SGK1: variants seen among roughly 807,000 people sequenced by gnomAD.
SGK1 encodes serum/glucocorticoid regulated kinase 1.
SGK1 carries 26 observed loss-of-function variants against 64.2 expected under a neutral mutation model. That is an observed-to-expected ratio of 0.40 (90% CI 0.30 to 0.56). SGK1 has a LOEUF of 0.56. SGK1 is among the 20% of genes least tolerant of loss of function. The pLI, the probability that SGK1 is intolerant of heterozygous loss-of-function variation, is 0.38. For missense variants in SGK1, 519 were observed against 645.6 expected (o/e 0.80, Z 2.12); for synonymous variants, 265 against 239.7 (o/e 1.11, Z -0.98).
intron 2 of SGK1, among the ~76,000 whole-genome samples, chr6:134,231,026 T>G (rs1437043186): frequency 2.6e-5 from 4 of 151,830 alleles, no homozygotes; most frequent in African/African-American, 9.7e-5. Flanking sequence ...AAAAATGAAA[T>G]GAAATGAAAT....
chr6:134,252,307 G>A (rs1222568478), intron 2 of SGK1, among the ~76,000 whole-genome samples: 2 of 152,186 alleles, frequency 1.3e-5, no homozygotes, highest in African/African-American at 4.8e-5. Flanking sequence ...TCCTGGAGGA[G>A]AAGGATTTAG....
Position 134,173,097 on chromosome 6 carries a change from G to C in SGK1, c.760C>G (p.Leu254Val). ...VLLKNVKHPF[L>V]VGLHFSFQTA... is the part of the protein sequence containing the mutation. ...TGGAAAGAGAAGTGAAGGCCCACCA[G>C]GAAAGGGTGCTTCACATTCTTCAAC... is the stretch of plus-strand genomic sequence containing the variant. The change falls in exon 8 of 14, where the codon CTG (leucine) becomes GTG (valine). Residue 254 changes from leucine to valine, a missense_variant. Coordinates refer to ENST00000367858, the MANE Select transcript of SGK1 (RefSeq NM_001143676.3). 6.2e-7 allele frequency: 1 copy of C among 1,613,954 alleles called. No homozygotes were observed. Among genetic ancestry groups the C allele is most frequent in the Non-Finnish European group, 8.5e-7 (1 of 1,179,824 alleles).
chr6:134,267,444 C>T (rs1279560516), intron 1 of SGK1, among the ~76,000 whole-genome samples: 1 of 151,800 alleles, frequency 6.6e-6, no homozygotes, highest in African/African-American at 2.4e-5. Context: ...ACTACAGATG[C>T]GCGCCACCAC....
chr6:134,316,086 T>C (rs986645690), intron 1 of SGK1, among the ~76,000 whole-genome samples: 1 of 152,202 alleles, frequency 6.6e-6, no homozygotes, highest in Non-Finnish European at 1.5e-5. Context: ...GGTTTCATTT[T>C]GGTTTGAATG....
chr6:134,169,629 G>A lies in SGK1; in HGVS notation c.*639C>T, dbSNP rs1272690483. The A allele has an allele frequency of 2.0e-5, 3 of 152,596 alleles. No individual in the cohort carries two copies. The highest frequency in any genetic ancestry group is 4.4e-5 in the Non-Finnish European group (3 of 68,038). The allele number at this position is 152,596 out of a possible 1,614,324, so 9.5% of individuals were successfully genotyped here. A position where few individuals can be genotyped will look rare whatever the true frequency, so the allele number is the denominator to read the frequency against. ...GCAGCAATGCTTTCTTTAAGCATCT[G>A]AATACGAGTCATTGCAAGACCATTT... On this transcript the variant is annotated 3_prime_UTR_variant, in exon 14 of 14. Transcript: ENST00000367858.
In SGK1 at chr6:134,170,442, C is replaced by T. The variant is rs757974350; in HGVS notation, c.1414-7G>A. 2.1e-5 allele frequency: 33 copies of T among 1,605,336 alleles called. No homozygotes were observed. The East Asian group carries it at 2.5e-4, about 12-fold the overall frequency. ...GTAGGTCGTTGGGCCCACTCTGTGACGGGAAGGGAAAAACACTCTTGTCAA... is the reference window on the plus strand; with the variant it reads ...GTAGGTCGTTGGGCCCACTCTGTGATGGGAAGGGAAAAACACTCTTGTCAA... On this transcript the variant is annotated splice_region_variant and splice_polypyrimidine_tract_variant and intron_variant, in intron 13 of 13. Transcript: ENST00000367858.
chr6:134,190,395 C>T (rs909367620), intron 3 of SGK1, among the ~76,000 whole-genome samples: 1 of 151,664 alleles, frequency 6.6e-6, no homozygotes, highest in African/African-American at 2.4e-5. Context: ...AAGTGATTCT[C>T]CTGCCTCAGC....
rs751754575 is a variant in SGK1, at chr6:134,207,379, G to T, written c.338C>A (p.Thr113Asn). The T allele has an allele frequency of 4.9e-5, 79 of 1,610,292 alleles. No individual in the cohort carries two copies. Among genetic ancestry groups the T allele is most frequent in the Non-Finnish European group, 6.2e-5 (73 of 1,176,768 alleles). Residue 113 changes from threonine (T) to asparagine (N), a missense_variant, in exon 3 of 14, where the codon ACC (threonine) becomes AAC (asparagine). By Grantham distance (65) the Thr-to-Asn change is moderately conservative (BLOSUM62 0). Coordinates refer to ENST00000367858, the MANE Select transcript of SGK1 (RefSeq NM_001143676.3). ...ACCTGGATCATCATTAGTCCAGAAG[G>T]TTCTTGGATCGGGCTTGGTCAGGAT... is the stretch of plus-strand genomic sequence containing the variant. Reference protein sequence around the residue: ...ANILTKPDPRTFWTNDDPAFM... With the variant: ...ANILTKPDPRNFWTNDDPAFM...
intron 3 of SGK1, among the ~76,000 whole-genome samples, chr6:134,191,846 T>TTTTTTTTGTTTG (rs1162225794): frequency 7.7e-6 from 1 of 130,406 alleles, no homozygotes; most frequent in Non-Finnish European, 1.7e-5. Context: ...TTTTTTTTTT[T>TTTTTTTTGTTTG]TTTTTTTGAG....
intron 2 of SGK1, among the ~76,000 whole-genome samples, chr6:134,224,888 G>A (rs1257942392): frequency 6.6e-6 from 1 of 151,424 alleles, no homozygotes; most frequent in African/African-American, 2.4e-5. Context: ...AGGCGTGGTA[G>A]CACATGCCTG....
At chr6:134,248,650 C>T (rs1161517841) in intron 2 of SGK1, among the ~76,000 whole-genome samples, 1 of 152,088 alleles carries the variant, frequency 6.6e-6, no homozygotes, top group East Asian at 1.9e-4. Context: ...CAGGGTTTCA[C>T]CATGTTGGCC....
At chr6:134,250,986 A>C (rs184976954) in intron 2 of SGK1, among the ~76,000 whole-genome samples, 1 of 152,236 alleles carries the variant, frequency 6.6e-6, no homozygotes, top group Admixed American at 6.5e-5. Flanking sequence ...TATGTTGCCC[A>C]GGCTAGTTTT....
At chr6:134,227,943 CTTTTTTTT>C (rs869082001) in intron 2 of SGK1, among the ~76,000 whole-genome samples, 34 of 69,754 alleles carry the variant, frequency 4.9e-4, no homozygotes, top group Middle Eastern at 0.01. Flanking sequence ...GGAATTCATT[CTTTTTTTT>C]TTTTTTTTTT....
At chr6:134,228,937 G>A (rs1776233042) in intron 2 of SGK1, among the ~76,000 whole-genome samples, 2 of 149,192 alleles carry the variant, frequency 1.3e-5, no homozygotes, top group African/African-American at 2.5e-5. Flanking sequence ...TCCGCCTTCC[G>A]GGTTCACGCC....
chr6:134,184,190 C>A (rs552176304), intron 3 of SGK1, among the ~76,000 whole-genome samples: 1 of 151,970 alleles, frequency 6.6e-6, no homozygotes, highest in Non-Finnish European at 1.5e-5. Flanking sequence ...TCTTGTCATT[C>A]GGATCTCCCA....
chr6:134,250,027 G>A (rs2114734852), intron 2 of SGK1, among the ~76,000 whole-genome samples: 1 of 152,298 alleles, frequency 6.6e-6, no homozygotes, highest in East Asian at 1.9e-4. Flanking sequence ...AACCCAGCCA[G>A]AGATGCCAAG....
intron 1 of SGK1, among the ~76,000 whole-genome samples, chr6:134,275,490 T>C (rs904761002): frequency 1.3e-5 from 2 of 152,258 alleles, no homozygotes; most frequent in Non-Finnish European, 2.9e-5. Context: ...TCAGGATTGA[T>C]GTATTATAAG....
chr6:134,251,464 C>A (rs1174158294), intron 2 of SGK1, among the ~76,000 whole-genome samples: 1 of 152,084 alleles, frequency 6.6e-6, no homozygotes, highest in Non-Finnish European at 1.5e-5. Context: ...ACAACAAAAG[C>A]CAACAAAATA....
At chr6:134,308,868 A>G (rs1256909499) in intron 1 of SGK1, among the ~76,000 whole-genome samples, 5 of 152,114 alleles carry the variant, frequency 3.3e-5, no homozygotes, top group African/African-American at 4.8e-5. Context: ...GCCTAGGAAT[A>G]TTTCACTTCA....
Sources: allele counts gnomAD v4.1 joint callset (sites outside exome capture counted in the v4.1 genomes callset), GRCh38; gene constraint gnomAD v4.1.1; transcripts MANE v1.5; gene names NCBI Gene and HGNC (gene_info 2026-07-23, HGNC 2026-07-21).